MEIOSIN: variants seen among roughly 807,000 people sequenced by gnomAD.
The protein encoded by MEIOSIN is meiosis initiator.
A neutral mutation model predicts 23.4 loss-of-function variants in MEIOSIN; 18 were observed. That is an observed-to-expected ratio of 0.77 (90% CI 0.53 to 1.14). The LOEUF (loss-of-function observed/expected upper bound fraction) is 1.14. MEIOSIN is among the 50% of genes most tolerant of loss of function. The pLI is 0.00. For missense variants in MEIOSIN, 428 were observed against 242.9 expected, an observed-to-expected ratio of 1.76 and a Z score of -5.07; for synonymous variants, 187 against 100.6, an observed-to-expected ratio of 1.86 and a Z score of -5.14.
chr19:45,754,421 C>A, intron 6 of MEIOSIN, 58 bp from the exon 7 acceptor site: 1 of 667,466 alleles, frequency 1.5e-6, no homozygotes, highest in Non-Finnish European at 2.7e-6. Flanking sequence ...GAACCCTATT[C>A]TGGTGACAGG....
intron 4 of MEIOSIN, among the ~76,000 whole-genome samples, chr19:45,748,953 C>T (rs1968641915): frequency 6.6e-6 from 1 of 151,940 alleles, no homozygotes; most frequent in Non-Finnish European, 1.5e-5. Flanking sequence ...CCTGTAGCCC[C>T]TGCTACTCAG....
At chr19:45,761,619 G>A in intron 11 of MEIOSIN, 60 bp from the exon 12 acceptor site, 2 of 678,316 alleles carry the variant, frequency 2.9e-6, no homozygotes, top group East Asian at 2.7e-5. Context: ...AAGCAGTACT[G>A]GGGGGATGAA....
chr19:45,755,544 C>G (rs1968807750), intron 7 of MEIOSIN, among the ~76,000 whole-genome samples: 1 of 152,124 alleles, frequency 6.6e-6, no homozygotes, highest in Non-Finnish European at 1.5e-5. Flanking sequence ...CCTCTACCTC[C>G]CAGGTTCAAA....
intron 4 of MEIOSIN, among the ~76,000 whole-genome samples, chr19:45,749,093 A>T (rs1307823802): frequency 1.5e-5 from 2 of 130,596 alleles, no homozygotes; most frequent in African/African-American, 5.9e-5. Context: ...GACTGAGGCC[A>T]GGTGTGGTGG....
At chr19:45,763,012 A>G (rs528842952) in intron 13 of MEIOSIN, among the ~76,000 whole-genome samples, 77 of 152,266 alleles carry the variant, frequency 5.1e-4, no homozygotes, top group African/African-American at 1.7e-3. Context: ...ACTTTGGTAG[A>G]TCCGGTGCCA....
At chr19:45,761,048 T>G (rs1968930062) in intron 11 of MEIOSIN, among the ~76,000 whole-genome samples, 1 of 151,616 alleles carries the variant, frequency 6.6e-6, no homozygotes, top group Non-Finnish European at 1.5e-5. Context: ...TGCCTTGAAC[T>G]CCTGGGCTCA....
chr19:45,757,917 T>C (rs1600389714), intron 9 of MEIOSIN, among the ~76,000 whole-genome samples: 1 of 152,082 alleles, frequency 6.6e-6, no homozygotes, highest in East Asian at 1.9e-4. Flanking sequence ...GGCCTCCAAT[T>C]CCTGGACTCA....
intron 9 of MEIOSIN, 60 bp from the exon 10 acceptor site, chr19:45,758,818 C>T (rs1239963598): frequency 1.5e-6 from 1 of 674,564 alleles, no homozygotes; most frequent in Admixed American, 2.1e-5. Context: ...ATGCCAGCTG[C>T]TGTGCTAGGG....
At chr19:45,759,385 C>G (rs964324177) in intron 10 of MEIOSIN, 29 bp from the exon 11 acceptor site, 3 of 702,774 alleles carry the variant, frequency 4.3e-6, no homozygotes, top group African/African-American at 3.5e-5. Context: ...CATTTCCACT[C>G]TGGCTGCCCC....
At chr19:45,738,766 G>A (rs902533698) in intron 2 of MEIOSIN, among the ~76,000 whole-genome samples, 19 of 152,170 alleles carry the variant, frequency 1.2e-4, no homozygotes, top group African/African-American at 4.3e-4. Context: ...GACGAGGACT[G>A]TGTGCTTTGT....
At chr19:45,736,316 G>T (rs1316038942) in intron 2 of MEIOSIN, among the ~76,000 whole-genome samples, 3 of 152,006 alleles carry the variant, frequency 2.0e-5, no homozygotes, top group African/African-American at 7.2e-5. Context: ...CAAAGTGCTG[G>T]AATTACTAAG....
chr19:45,752,857 C>G (rs1253754743), intron 5 of MEIOSIN, among the ~76,000 whole-genome samples: 1 of 151,980 alleles, frequency 6.6e-6, no homozygotes. Context: ...ACTTGCCTGT[C>G]CCCAGACACC....
intron 4 of MEIOSIN, among the ~76,000 whole-genome samples, 157 bp downstream of exon 4, chr19:45,745,478 G>T (rs938130203): frequency 6.6e-6 from 1 of 152,136 alleles, no homozygotes; most frequent in Non-Finnish European, 1.5e-5. Context: ...GGGAGTCTGT[G>T]ATCCCATAAC....
intron 5 of MEIOSIN, among the ~76,000 whole-genome samples, chr19:45,752,967 A>G (rs1398249559): frequency 8.2e-6 from 1 of 121,742 alleles, no homozygotes; most frequent in East Asian, 2.4e-4. Flanking sequence ...CTTTTCGCCC[A>G]GGCTGGAGTG....
At chr19:45,753,449 C>A (rs554370767) in intron 5 of MEIOSIN, among the ~76,000 whole-genome samples, 2 of 152,084 alleles carry the variant, frequency 1.3e-5, no homozygotes, top group Non-Finnish European at 2.9e-5. Context: ...CCAAAACAGC[C>A]CTGAAGAAAC....
At chr19:45,749,132 AG>A (rs964968721) in intron 4 of MEIOSIN, among the ~76,000 whole-genome samples, 12 of 151,898 alleles carry the variant, frequency 7.9e-5, no homozygotes, top group African/African-American at 2.7e-4. Context: ...GCACTTTGGG[AG>A]GCCAAGGCGG....
intron 13 of MEIOSIN, among the ~76,000 whole-genome samples, 160 bp downstream of exon 13, chr19:45,762,343 C>G (rs184451231): frequency 0.011 from 1,617 of 152,226 alleles, 21 homozygotes; most frequent in Non-Finnish European, 0.015. Flanking sequence ...CTGAACCCGG[C>G]CCCATTGTAT....
chr19:45,750,651 A>G, intron 4 of MEIOSIN, 24 bp from the exon 5 acceptor site: 2 of 535,306 alleles, frequency 3.7e-6, no homozygotes, highest in Non-Finnish European at 6.6e-6. Context: ...GAGCCTGGCC[A>G]ACCCTGTCTT....
In MEIOSIN at chr19:45,764,219, G is replaced by A; in HGVS notation, c.*101G>A. 2.5e-6 allele frequency: 1 copy of A among 398,114 alleles called. No individual in the cohort carries two copies. Among genetic ancestry groups the A allele is most frequent in the Non-Finnish European group, 4.4e-6 (1 of 225,900 alleles). The allele number at this position is 398,114 out of a possible 1,614,324, so 24.7% of individuals were successfully genotyped here. ...TGAACTTGTCCCTCCTGGGCCTCCAGCCCCTGAGAATGCAGGTCCCATGGG... is the reference window on the plus strand; with the variant it reads ...TGAACTTGTCCCTCCTGGGCCTCCAACCCCTGAGAATGCAGGTCCCATGGG... On this transcript the variant is annotated 3_prime_UTR_variant, in exon 15 of 15. Transcript: ENST00000457052.
Sources: gnomAD v4.1 joint callset for allele counts (sites outside exome capture counted in the v4.1 genomes callset) on GRCh38, gnomAD v4.1.1 for gene constraint, MANE v1.5 for transcripts, NCBI Gene and HGNC (gene_info 2026-07-23, HGNC 2026-07-21) for gene names.